The following TMEM108 variants were observed in gnomAD, a reference collection of about 807,000 sequenced individuals.
The protein encoded by TMEM108 is transmembrane protein 108, also known as cancer/testis antigen 124.
Under a neutral mutation model 35.1 loss-of-function variants are expected in TMEM108, and 12 were observed. The observed-to-expected ratio is 0.34, with a 90% CI of 0.22 to 0.55. TMEM108 has a LOEUF of 0.55. TMEM108 is among the 20% of genes least tolerant of loss of function. The pLI, the probability that TMEM108 is intolerant of heterozygous loss-of-function variation, is 0.89. For missense variants in TMEM108, 680 were observed against 753.3 expected, an observed-to-expected ratio of 0.90 and a Z score of 1.14; for synonymous variants, 287 against 308.6, an observed-to-expected ratio of 0.93 and a Z score of 0.73.
intron 3 of TMEM108, among the ~76,000 whole-genome samples, chr3:133,339,696 G>A (rs2071605869): frequency 6.6e-6 from 1 of 151,856 alleles, no homozygotes. Context: ...TAGACCATGT[G>A]TCAGGTCACA....
At chr3:133,240,932 T>TA (rs565110093) in intron 3 of TMEM108, among the ~76,000 whole-genome samples, 28 of 148,922 alleles carry the variant, frequency 1.9e-4, no homozygotes, top group East Asian at 1.2e-3. Context: ...AAATCTTATT[T>TA]AAAAAAAAAA....
rs1223493502 is a variant in TMEM108 at position 133,229,166 on chromosome 3, T to A, written c.-46-100T>A. The A allele has an allele frequency of 3.8e-5, 26 of 678,130 alleles. No individual in the cohort carries two copies. In the East Asian group the frequency reaches 7.3e-4, roughly 19 times the overall value. The allele number at this position is 678,130 out of a possible 1,614,324, so 42.0% of individuals were successfully genotyped here. ...AAGATTTTTTCTCTTTGAAATTGGG[T>A]AAGTTAGGCATTATAACCAAGATCC... On this transcript the variant is annotated intron_variant, in intron 2 of 5. Transcript: ENST00000321871.
intron 3 of TMEM108, among the ~76,000 whole-genome samples, chr3:133,266,122 T>C (rs1946693638): frequency 6.6e-6 from 1 of 152,030 alleles, no homozygotes; most frequent in Non-Finnish European, 1.5e-5. Context: ...AGTAGTTTCC[T>C]TAGCCTAGAT....
chr3:133,131,932 A>G (rs969428178), intron 2 of TMEM108, among the ~76,000 whole-genome samples: 3 of 152,306 alleles, frequency 2.0e-5, no homozygotes, highest in East Asian at 3.9e-4. Flanking sequence ...GATAGATAAT[A>G]TATAGAGAGA....
chr3:133,164,180 C>T (rs1006705408), intron 2 of TMEM108, among the ~76,000 whole-genome samples: 6 of 152,064 alleles, frequency 3.9e-5, no homozygotes, highest in African/African-American at 1.2e-4. Context: ...TTTTTAGTGC[C>T]GTTTTCTACT....
chr3:133,044,981 T>G (rs925580841), intron 1 of TMEM108, among the ~76,000 whole-genome samples: 1 of 151,834 alleles, frequency 6.6e-6, no homozygotes, highest in Non-Finnish European at 1.5e-5. Flanking sequence ...TTTTCTTTTT[T>G]TTTTGAGACG....
At chr3:133,200,050 A>T (rs1043021454) in intron 2 of TMEM108, among the ~76,000 whole-genome samples, 1 of 152,146 alleles carries the variant, frequency 6.6e-6, no homozygotes, top group Non-Finnish European at 1.5e-5. Context: ...CTCCATGGGC[A>T]TGGGACCCTC....
At chr3:133,120,488 G>A (rs780819890) in intron 2 of TMEM108, among the ~76,000 whole-genome samples, 17 of 152,140 alleles carry the variant, frequency 1.1e-4, no homozygotes, top group Non-Finnish European at 2.4e-4. Flanking sequence ...GAGTTGCTGT[G>A]TGCCTGGTTC....
chr3:133,289,894 C>T (rs891250591), intron 3 of TMEM108, among the ~76,000 whole-genome samples: 6 of 152,140 alleles, frequency 3.9e-5, no homozygotes, highest in Non-Finnish European at 7.3e-5. Flanking sequence ...GTATTTGTTC[C>T]CTAAGCTGGC....
At chr3:133,304,951 C>T (rs974718562) in intron 3 of TMEM108, among the ~76,000 whole-genome samples, 11 of 152,134 alleles carry the variant, frequency 7.2e-5, no homozygotes, top group Admixed American at 2.6e-4. Context: ...GATGTGATGG[C>T]GCACACCTGT....
chr3:133,255,360 C>A (rs371427093), intron 3 of TMEM108, among the ~76,000 whole-genome samples: 8 of 151,764 alleles, frequency 5.3e-5, no homozygotes, highest in African/African-American at 1.7e-4. Context: ...CTACAACTTA[C>A]AAAATTAAAA....
At chr3:133,119,793 C>T (rs921308810) in intron 2 of TMEM108, among the ~76,000 whole-genome samples, 2 of 152,168 alleles carry the variant, frequency 1.3e-5, no homozygotes, top group African/African-American at 4.8e-5. Flanking sequence ...TCAATATTGT[C>T]ACACATCTTC....
intron 2 of TMEM108, among the ~76,000 whole-genome samples, chr3:133,149,709 G>A (rs944174326): frequency 6.6e-5 from 10 of 151,936 alleles, no homozygotes; most frequent in African/African-American, 2.4e-4. Context: ...ATTCCCTCAG[G>A]TATATGTACC....
At chr3:133,328,289 A>ATGTG (rs2071355048) in intron 3 of TMEM108, among the ~76,000 whole-genome samples, 1 of 152,166 alleles carries the variant, frequency 6.6e-6, no homozygotes, top group African/African-American at 2.4e-5. Context: ...GTGTAAGACC[A>ATGTG]TGTCATGACC....
intron 2 of TMEM108, among the ~76,000 whole-genome samples, chr3:133,087,851 T>C (rs1366462168): frequency 6.6e-6 from 1 of 152,162 alleles, no homozygotes; most frequent in African/African-American, 2.4e-5. Flanking sequence ...TTTTGTTGCC[T>C]ACCCATCATC....
chr3:133,289,768 A>G (rs1947036722), intron 3 of TMEM108, among the ~76,000 whole-genome samples: 1 of 152,184 alleles, frequency 6.6e-6, no homozygotes, highest in South Asian at 2.1e-4. Context: ...TTGTTAGGCT[A>G]TAAATTTTTA....
chr3:133,252,004 T>C (rs1468806697), intron 3 of TMEM108, among the ~76,000 whole-genome samples: 4 of 152,192 alleles, frequency 2.6e-5, no homozygotes, highest in African/African-American at 9.6e-5. Flanking sequence ...GCTATGAAAC[T>C]CCTACAGCAC....
intron 2 of TMEM108, among the ~76,000 whole-genome samples, chr3:133,154,169 A>T (rs1944842619): frequency 6.6e-6 from 1 of 151,714 alleles, no homozygotes; most frequent in Non-Finnish European, 1.5e-5. Flanking sequence ...GTTTGAGTTC[A>T]TTGTAGATTC....
Position 133,395,850 on chromosome 3 carries a change from CT to C in TMEM108, c.1606-13del. 1.3e-6 allele frequency: 2 copies of C among 1,569,128 alleles called. No individual in the cohort carries two copies. Among genetic ancestry groups the C allele is most frequent in the Non-Finnish European group, 1.7e-6 (2 of 1,159,638 alleles). On this transcript the variant is annotated splice_polypyrimidine_tract_variant and intron_variant, in intron 5 of 5. Coordinates refer to ENST00000321871, the MANE Select transcript of TMEM108 (RefSeq NM_023943.4). Reference sequence around the variant, plus strand: ...TTCTCCAGCTCACTCCATCTCCTCCCTCTCTCTTCCCAGGACCAGCTCTCAG... The same window carrying C: ...TTCTCCAGCTCACTCCATCTCCTCCCCTCTCTTCCCAGGACCAGCTCTCAG...
Sources: allele counts gnomAD v4.1 joint callset (sites outside exome capture counted in the v4.1 genomes callset), GRCh38; gene constraint gnomAD v4.1.1; transcripts MANE v1.5; gene names NCBI Gene and HGNC (gene_info 2026-07-23, HGNC 2026-07-21).